The following CLNK variants were observed in gnomAD, a reference collection of about 807,000 sequenced individuals.
The protein encoded by CLNK is cytokine dependent hematopoietic cell linker.
Under a neutral mutation model 68.6 loss-of-function variants are expected in CLNK, and 74 were observed. The observed-to-expected ratio is 1.08, with a 90% confidence interval of 0.89 to 1.31. The LOEUF (loss-of-function observed/expected upper bound fraction) is 1.31. Ranked by LOEUF, CLNK falls within the 50% of genes most tolerant of loss-of-function variation. CLNK has a pLI of 0.00. For missense variants in CLNK, 553 were observed against 515.3 expected, an observed-to-expected ratio of 1.07 and a Z score of -0.71; for synonymous variants, 198 against 172.2, an observed-to-expected ratio of 1.15 and a Z score of -1.17.
At chr4:10,606,769 T>C (rs986906803) in intron 2 of CLNK, among the ~76,000 whole-genome samples, 1 of 152,198 alleles carries the variant, frequency 6.6e-6, no homozygotes, top group East Asian at 1.9e-4. Flanking sequence ...TGACTGTATC[T>C]ATATATCTAT....
the CLNK span, among the ~76,000 whole-genome samples, chr4:10,715,049 A>G: frequency 6.6e-6 from 1 of 152,194 alleles, no homozygotes; most frequent in African/African-American, 2.4e-5. Flanking sequence ...TTATTTTTTA[A>G]GGGGAACAAA....
At chr4:10,732,146 A>G in the CLNK span, among the ~76,000 whole-genome samples, 1 of 152,348 alleles carries the variant, frequency 6.6e-6, no homozygotes, top group East Asian at 1.9e-4. Flanking sequence ...AGTTTTGCAT[A>G]TTTATTACCT....
chr4:10,666,712 T>G (rs1724409136), intron 2 of CLNK, among the ~76,000 whole-genome samples: 1 of 152,238 alleles, frequency 6.6e-6, no homozygotes, highest in South Asian at 2.1e-4. Context: ...GGATGCTTGA[T>G]TAGCTTAATT....
intron 11 of CLNK, among the ~76,000 whole-genome samples, chr4:10,535,209 GAAAGAGAAAGAAAGAAAGAAAGAA>G (rs1718698589): frequency 3.8e-5 from 4 of 106,584 alleles, no homozygotes; most frequent in South Asian, 3.1e-4. Flanking sequence ...AAGAAAGAAA[GAAAGAGAAAGAAAGAAAGAAAGAA>G]AGAAAGAAAG....
the CLNK span, among the ~76,000 whole-genome samples, chr4:10,705,493 C>G: frequency 1.9e-4 from 29 of 152,220 alleles, no homozygotes; most frequent in Admixed American, 4.6e-4. Context: ...CTCCAGGGTC[C>G]AATTCCTTTC....
chr4:10,517,674 T>C (rs1036717972), intron 15 of CLNK, among the ~76,000 whole-genome samples: 3 of 152,244 alleles, frequency 2.0e-5, no homozygotes, highest in Non-Finnish European at 4.4e-5. Context: ...TGGTGTTGCA[T>C]ACATAATAAT....
intron 2 of CLNK, among the ~76,000 whole-genome samples, chr4:10,641,270 G>A (rs2108875653): frequency 6.6e-6 from 1 of 152,288 alleles, no homozygotes; most frequent in Admixed American, 6.5e-5. Flanking sequence ...GGGATGGGGA[G>A]TGGGAATGTT....
chr4:10,606,284 G>A (rs114676738), intron 2 of CLNK, among the ~76,000 whole-genome samples: 2,660 of 152,210 alleles, frequency 0.017, 90 homozygotes, highest in African/African-American at 0.06. Flanking sequence ...AGGGTCAATG[G>A]CATCACTACC....
chr4:10,589,798 T>C (rs538603674), intron 3 of CLNK, among the ~76,000 whole-genome samples: 17 of 152,350 alleles, frequency 1.1e-4, no homozygotes, highest in Admixed American at 2.0e-4. Context: ...GGGTGATTAA[T>C]GAAAGGAACT....
intron 2 of CLNK, chr4:10,635,963 G>A (rs1383366920): frequency 1.3e-5 from 2 of 152,214 alleles, no homozygotes; most frequent in Non-Finnish European, 2.9e-5. Flanking sequence ...TTCTCACAAA[G>A]TGGGAAAGAG....
chr4:10,691,772 C>G, the CLNK span, among the ~76,000 whole-genome samples: 3 of 152,178 alleles, frequency 2.0e-5, no homozygotes. Context: ...CATCTGTCCT[C>G]AAACTGGTTG....
At chr4:10,530,619 A>G in intron 12 of CLNK, among the ~76,000 whole-genome samples, 1 of 151,920 alleles carries the variant, frequency 6.6e-6, no homozygotes, top group African/African-American at 2.4e-5. Flanking sequence ...TCTAAGGCTG[A>G]CCCCCCATCT....
chr4:10,722,153 G>A, the CLNK span, among the ~76,000 whole-genome samples: 14 of 152,134 alleles, frequency 9.2e-5, no homozygotes, highest in African/African-American at 2.4e-4. Flanking sequence ...CAGATTGAGC[G>A]AGAGAGACCC....
At chr4:10,592,330 C>T (rs1202803033) in intron 3 of CLNK, among the ~76,000 whole-genome samples, 1 of 152,104 alleles carries the variant, frequency 6.6e-6, no homozygotes, top group African/African-American at 2.4e-5. Flanking sequence ...ATTTGACACT[C>T]TGATGGGTTC....
intron 18 of CLNK, among the ~76,000 whole-genome samples, chr4:10,493,695 G>A (rs1474724483): frequency 2.0e-5 from 3 of 146,472 alleles, no homozygotes; most frequent in African/African-American, 8.1e-5. Flanking sequence ...CTGATGCTAA[G>A]GTAAGGTACT....
At chr4:10,595,224 A>AT (rs1386616527) in intron 3 of CLNK, among the ~76,000 whole-genome samples, 1 of 152,108 alleles carries the variant, frequency 6.6e-6, no homozygotes, top group Non-Finnish European at 1.5e-5. Flanking sequence ...CCCTCAGACT[A>AT]TTTTTCCCTA....
chr4:10,615,303 A>C (rs942015532), intron 2 of CLNK, among the ~76,000 whole-genome samples: 5 of 152,228 alleles, frequency 3.3e-5, no homozygotes, highest in Admixed American at 1.3e-4. Flanking sequence ...AACATGGCAA[A>C]ACCCTGTCTC....
chr4:10,672,103 T>C (rs560912155), intron 1 of CLNK, among the ~76,000 whole-genome samples: 1 of 152,266 alleles, frequency 6.6e-6, no homozygotes, highest in Admixed American at 6.5e-5. Context: ...CCACCTAAAG[T>C]TCCTGCCTAA....
intron 2 of CLNK, among the ~76,000 whole-genome samples, chr4:10,604,692 G>T (rs745946684): frequency 2.6e-5 from 4 of 151,600 alleles, no homozygotes; most frequent in Non-Finnish European, 5.9e-5. Context: ...TTAGGAGACT[G>T]CCCCCTGAAA....
Sources: allele counts gnomAD v4.1 joint callset (sites outside exome capture counted in the v4.1 genomes callset), GRCh38; gene constraint gnomAD v4.1.1; transcripts MANE v1.5; gene names NCBI Gene and HGNC (gene_info 2026-07-23, HGNC 2026-07-21).